The following RASAL2 variants were observed in gnomAD, a reference collection of about 807,000 sequenced individuals.
RASAL2 encodes RAS protein activator like 2.
In RASAL2, 58 loss-of-function variants were observed where a neutral mutation model predicts 128.9. The ratio of observed to expected loss-of-function variants is 0.45; its 90% CI spans 0.36 to 0.56. The LOEUF (loss-of-function observed/expected upper bound fraction) is 0.56, where lower values mean the gene tolerates loss of function less well. RASAL2 is among the 20% of genes least tolerant of loss of function. The pLI, the probability that RASAL2 is intolerant of heterozygous loss-of-function variation, is 0.00. For synonymous variants in RASAL2, 561 were observed against 580.8 expected, an observed-to-expected ratio of 0.97 and a Z score of 0.49; for missense variants, 1,360 against 1,601.6, an observed-to-expected ratio of 0.85 and a Z score of 2.57.
chr1:178,320,575 C>T (rs1205205727), intron 3 of RASAL2, among the ~76,000 whole-genome samples: 1 of 152,214 alleles, frequency 6.6e-6, no homozygotes. Context: ...TCCGTCACCC[C>T]TTTCTTTGAC....
At chr1:178,266,659 G>A (rs1331942233) in intron 1 of RASAL2, among the ~76,000 whole-genome samples, 1 of 152,188 alleles carries the variant, frequency 6.6e-6, no homozygotes, top group African/African-American at 2.4e-5. Context: ...GAGGGAGGGG[G>A]CCTCCAAAGC....
intron 1 of RASAL2, among the ~76,000 whole-genome samples, chr1:178,221,645 A>G (rs1161683198): frequency 1.3e-5 from 2 of 152,076 alleles, no homozygotes; most frequent in African/African-American, 4.8e-5. Context: ...TTTCTATTTT[A>G]AATTTGTTAA....
intron 17 of RASAL2, among the ~76,000 whole-genome samples, chr1:178,468,096 A>G (rs949201217): frequency 2.0e-5 from 3 of 152,222 alleles, no homozygotes; most frequent in Non-Finnish European, 4.4e-5. Flanking sequence ...AGCACCTCAT[A>G]GGGACATGTC....
intron 4 of RASAL2, among the ~76,000 whole-genome samples, chr1:178,416,862 A>G (rs982357794): frequency 2.0e-5 from 3 of 151,928 alleles, no homozygotes; most frequent in East Asian, 1.9e-4. Context: ...TCCTCTGTAC[A>G]TAAGGTGTTT....
intron 1 of RASAL2, among the ~76,000 whole-genome samples, chr1:178,173,053 G>C (rs979845360): frequency 1.3e-5 from 2 of 152,148 alleles, no homozygotes; most frequent in Admixed American, 6.5e-5. Context: ...ATGTGTGGTT[G>C]GACGTTTGTC....
At chr1:178,313,772 C>A (rs1261173044) in intron 3 of RASAL2, among the ~76,000 whole-genome samples, 1 of 152,150 alleles carries the variant, frequency 6.6e-6, no homozygotes, top group Non-Finnish European at 1.5e-5. Context: ...TTAGCTAAGT[C>A]TTTTCTCATT....
At chr1:178,391,131 T>C (rs938868329) in intron 4 of RASAL2, among the ~76,000 whole-genome samples, 1 of 152,138 alleles carries the variant, frequency 6.6e-6, no homozygotes, top group Non-Finnish European at 1.5e-5. Flanking sequence ...CAAAAGAGGC[T>C]GGGCCTAGTG....
Position 178,260,403 on chromosome 1 carries a change from T to A in RASAL2, c.203-23161T>A, listed in dbSNP as rs866249243. Among the ~76,000 whole-genome samples, 201 of 84,808 alleles carry A rather than the reference T, an allele frequency of 2.4e-3. 14 individuals are homozygous for A. The highest frequency in any genetic ancestry group is 6.2e-3 in the African/African-American group (133 of 21,578). The allele number at this position is 84,808 out of a possible 152,430, so 55.6% of individuals were successfully genotyped here. On this transcript the variant is annotated intron_variant, in intron 1 of 17. Coordinates refer to ENST00000367649, the MANE Select transcript of RASAL2 (RefSeq NM_170692.4). ...ATATATATATATATATATATATATATATATATATATATGATAATAATTTTA... is the reference window on the plus strand; with the variant it reads ...ATATATATATATATATATATATATAAATATATATATATGATAATAATTTTA...
At position 178,314,053 on chromosome 1, in the gene RASAL2, A is replaced by G. The variant is rs540778720; in HGVS notation, c.457+13935A>G. On this transcript the variant is annotated intron_variant, in intron 3 of 17. Transcript: ENST00000367649. ...CTAAAGAACAAGTTTTCTGCAGACCATAAATGCTGTGCCTATGATTTAATG... is the reference window on the plus strand; with the variant it reads ...CTAAAGAACAAGTTTTCTGCAGACCGTAAATGCTGTGCCTATGATTTAATG... Among the ~76,000 whole-genome samples, 9 of 152,328 alleles carry G rather than the reference A, an allele frequency of 5.9e-5. No individual in the cohort carries two copies. The East Asian group carries it at 1.2e-3, about 20-fold the overall frequency.
intron 1 of RASAL2, among the ~76,000 whole-genome samples, chr1:178,235,173 G>A (rs1014530751): frequency 1.3e-5 from 2 of 152,224 alleles, no homozygotes; most frequent in Non-Finnish European, 2.9e-5. Context: ...GTGATCATAA[G>A]GTGATCAAAG....
In RASAL2 at chr1:178,372,273, G is replaced by A. The variant is rs547684995; in HGVS notation, c.458-17827G>A. The A allele has an allele frequency of 7.1e-6, 7 of 985,406 alleles. No individual in the cohort carries two copies. In the African/African-American group the frequency reaches 1.2e-4, roughly 17 times the overall value. The allele number at this position is 985,406 out of a possible 1,614,324, so 61.0% of individuals were successfully genotyped here. ...TCCTTTCCCCCGGTGATGTGGCGGA[G>A]TGGTTGGATAGTAGCACCGAAGAAG... On this transcript the variant is annotated intron_variant, in intron 3 of 17. Coordinates refer to ENST00000367649, the MANE Select transcript of RASAL2 (RefSeq NM_170692.4).
intron 1 of RASAL2, among the ~76,000 whole-genome samples, chr1:178,253,936 C>T (rs1263420759): frequency 6.6e-6 from 1 of 152,186 alleles, no homozygotes; most frequent in African/African-American, 2.4e-5. Context: ...CCAGAATGAT[C>T]TTTCAAAGAG....
At chr1:178,324,445 G>T (rs1668938586) in intron 3 of RASAL2, among the ~76,000 whole-genome samples, 1 of 151,592 alleles carries the variant, frequency 6.6e-6, no homozygotes, top group South Asian at 2.1e-4. Context: ...AATTTGAGGT[G>T]TGACATCTTA....
chr1:178,171,977 G>A (rs1252989089), intron 1 of RASAL2, among the ~76,000 whole-genome samples: 4 of 151,864 alleles, frequency 2.6e-5, no homozygotes, highest in East Asian at 1.9e-4. Flanking sequence ...CCTTACCAAC[G>A]TTTCCCTTTC....
chr1:178,178,457 A>G (rs900059468), intron 1 of RASAL2, among the ~76,000 whole-genome samples: 3 of 152,278 alleles, frequency 2.0e-5, no homozygotes, highest in African/African-American at 7.2e-5. Flanking sequence ...GGAAGCCTCC[A>G]TGTAATCTTT....
At chr1:178,336,350 G>A (rs1214433913) in intron 3 of RASAL2, among the ~76,000 whole-genome samples, 1 of 151,840 alleles carries the variant, frequency 6.6e-6, no homozygotes, top group East Asian at 1.9e-4. Flanking sequence ...TTGTATCAGT[G>A]GTAAGCCAAA....
At chr1:178,217,468 T>C (rs376716362) in intron 1 of RASAL2, among the ~76,000 whole-genome samples, 1 of 152,148 alleles carries the variant, frequency 6.6e-6, no homozygotes, top group East Asian at 1.9e-4. Context: ...ATAATTCCAT[T>C]AAGGTTCACT....
intron 3 of RASAL2, among the ~76,000 whole-genome samples, chr1:178,313,780 A>T (rs1668368041): frequency 6.6e-6 from 1 of 152,180 alleles, no homozygotes; most frequent in South Asian, 2.1e-4. Flanking sequence ...GTCTTTTCTC[A>T]TTCTATAGTC....
chr1:178,360,266 G>A (rs1486699621), intron 3 of RASAL2, among the ~76,000 whole-genome samples: 1 of 152,178 alleles, frequency 6.6e-6, no homozygotes, highest in Non-Finnish European at 1.5e-5. Flanking sequence ...TTGGAGTAGG[G>A]AGACAGGATT....
Sources: gnomAD v4.1 joint callset for allele counts (sites outside exome capture counted in the v4.1 genomes callset) on GRCh38, gnomAD v4.1.1 for gene constraint, MANE v1.5 for transcripts, NCBI Gene and HGNC (gene_info 2026-07-23, HGNC 2026-07-21) for gene names.